Variants in TTC3 observed in about 807,000 individuals in gnomAD.
TTC3 encodes the protein E3 ubiquitin-protein ligase TTC3.
TTC3 carries 180 observed loss-of-function variants against 249.6 expected under a neutral mutation model. The ratio of observed to expected loss-of-function variants is 0.72; its 90% CI spans 0.64 to 0.82. The LOEUF (loss-of-function observed/expected upper bound fraction) is 0.82. Among genes scored for constraint, TTC3 ranks in the 40% least tolerant of loss-of-function variants. The pLI, the probability that TTC3 is intolerant of heterozygous loss-of-function variation, is 0.00. For synonymous variants in TTC3, 717 were observed against 805.0 expected (o/e 0.89, Z 1.85); for missense variants, 2,061 against 2,398.4 (o/e 0.86, Z 2.94).
chr21:37,095,340 G>A lies in TTC3; in HGVS notation c.688-10G>A, dbSNP rs1415440310. ...TCATTGATGGGTCTTCTTTCACCTT[G>A]GTTTCTCAGGAAGGAGAACTAATGA... On this transcript the variant is annotated splice_polypyrimidine_tract_variant and intron_variant, in intron 8 of 45. Coordinates refer to ENST00000355666, the Ensembl canonical transcript of TTC3. 1 of 1,581,948 alleles carries A rather than the reference G, an allele frequency of 6.3e-7. No individual in the cohort carries two copies. The highest frequency in any genetic ancestry group is 2.3e-5 in the East Asian group (1 of 44,254).
At chr21:37,187,140 G>A in exon 38 of TTC3, 1 of 1,577,244 alleles carries the variant, frequency 6.3e-7, no homozygotes, top group Non-Finnish European at 8.6e-7. Flanking sequence ...AGCTGTGGCT[G>A]CAGAGGTGAG....
exon 34 of TTC3, chr21:37,167,594 C>T: frequency 6.2e-7 from 1 of 1,609,560 alleles, no homozygotes; most frequent in Non-Finnish European, 8.5e-7. Context: ...CAATACTGAG[C>T]CATATAATCC....
At chr21:37,099,587 G>A (rs2074277712) in intron 10 of TTC3, among the ~76,000 whole-genome samples, 1 of 152,206 alleles carries the variant, frequency 6.6e-6, no homozygotes, top group South Asian at 2.1e-4. Context: ...AGGACATGTA[G>A]ATTAAAAACT....
At chr21:37,190,562 T>C (rs1185568502) in intron 39 of TTC3, among the ~76,000 whole-genome samples, 1 of 152,222 alleles carries the variant, frequency 6.6e-6, no homozygotes, top group African/African-American at 2.4e-5. Flanking sequence ...CCGCCTGTAC[T>C]AAGCACCCAC....
chr21:37,147,645 A>G lies in TTC3; in HGVS notation c.2016+42A>G, dbSNP rs763111685. The G allele has an allele frequency of 1.9e-6, 3 of 1,560,700 alleles. No homozygotes were observed. The South Asian group carries it at 3.7e-5, about 19-fold the overall frequency. Reference sequence around the variant, plus strand: ...CAGTGGGACATTAACTTGCAAAATCATTTCTTAAAATGGGCTCAAAACAAT... The same window carrying G: ...CAGTGGGACATTAACTTGCAAAATCGTTTCTTAAAATGGGCTCAAAACAAT... On this transcript the variant is annotated intron_variant, in intron 22 of 45. Transcript: ENST00000355666.
chr21:37,085,018 C>T (rs888989692), intron 1 of TTC3, among the ~76,000 whole-genome samples: 20 of 133,610 alleles, frequency 1.5e-4, no homozygotes, highest in African/African-American at 5.2e-4. Flanking sequence ...CAAACCAAAA[C>T]AAAATAGAAA....
At chr21:37,080,224 AG>A (rs1358344161) in intron 1 of TTC3, among the ~76,000 whole-genome samples, 2 of 152,074 alleles carry the variant, frequency 1.3e-5, no homozygotes, top group Non-Finnish European at 2.9e-5. Flanking sequence ...TTCAAATCTA[AG>A]TATTTTTACA....
intron 35 of TTC3, among the ~76,000 whole-genome samples, chr21:37,178,326 A>G (rs1405328198): frequency 6.6e-6 from 1 of 152,008 alleles, no homozygotes; most frequent in Non-Finnish European, 1.5e-5. Context: ...TTTCTTTTGG[A>G]TATATATGTA....
chr21:37,164,357 G>A, intron 32 of TTC3, 142 bp downstream of exon 32: 3 of 654,750 alleles, frequency 4.6e-6, no homozygotes, highest in Non-Finnish European at 6.9e-6. Flanking sequence ...TTTTTTTTTT[G>A]AGACAGAGTC....
chr21:37,145,389 C>A (rs184905614), intron 21 of TTC3, among the ~76,000 whole-genome samples: 1 of 152,356 alleles, frequency 6.6e-6, no homozygotes, highest in East Asian at 1.9e-4. Flanking sequence ...CATGAAAAGA[C>A]ATTCAGCATC....
intron 35 of TTC3, among the ~76,000 whole-genome samples, chr21:37,181,844 G>A (rs2082790428): frequency 6.6e-6 from 1 of 152,162 alleles, no homozygotes; most frequent in South Asian, 2.1e-4. Flanking sequence ...CTTTCTTACA[G>A]AGAAGACCTC....
Position 37,185,953 on chromosome 21 carries a change from G to T in TTC3, c.4826+179G>T, listed in dbSNP as rs1341496305. 4 of 256,504 alleles carry T rather than the reference G, an allele frequency of 1.6e-5. No homozygotes were observed. The East Asian group carries it at 3.1e-4, about 20-fold the overall frequency. 15.9% of individuals were successfully genotyped at this position (256,504 alleles called of 1,614,324 possible). A position where few individuals can be genotyped will look rare whatever the true frequency, so the allele number is the denominator to read the frequency against. Reference sequence around the variant, plus strand: ...AAATTAATTTATAAATATATTCTTTGAATATTTAAATATTTTTATTTTACA... The same window carrying T: ...AAATTAATTTATAAATATATTCTTTTAATATTTAAATATTTTTATTTTACA... On this transcript the variant is annotated intron_variant, in intron 37 of 45. Coordinates refer to ENST00000355666, the Ensembl canonical transcript of TTC3.
At chr21:37,087,735 T>C in intron 2 of TTC3, 98 bp from the exon 3 acceptor site, 1 of 934,162 alleles carries the variant, frequency 1.1e-6, no homozygotes, top group South Asian at 1.5e-5. Context: ...TATAAATAAA[T>C]GCCCACTGAA....
chr21:37,143,164 A>T (rs1420264863), intron 20 of TTC3, among the ~76,000 whole-genome samples: 3 of 152,232 alleles, frequency 2.0e-5, no homozygotes, highest in Non-Finnish European at 4.4e-5. Context: ...CCTAGGCATT[A>T]CCATTCAGGA....
At chr21:37,181,612 T>C (rs2082766819) in intron 35 of TTC3, among the ~76,000 whole-genome samples, 1 of 152,238 alleles carries the variant, frequency 6.6e-6, no homozygotes, top group Admixed American at 6.5e-5. Flanking sequence ...GTTCAATTTT[T>C]GCCACCTAAG....
At chr21:37,159,807 G>A (rs1395126013) in intron 29 of TTC3, 62 bp downstream of exon 29, 3 of 1,516,954 alleles carry the variant, frequency 2.0e-6, no homozygotes, top group Admixed American at 3.4e-5. Flanking sequence ...AGGATGAGAA[G>A]GGGACCCAGG....
chr21:37,126,271 G>T, intron 15 of TTC3, 128 bp downstream of exon 15: 1 of 607,692 alleles, frequency 1.6e-6, no homozygotes, highest in Non-Finnish European at 2.6e-6. Flanking sequence ...ATGCTTCTAT[G>T]TTAAGAAAAT....
intron 35 of TTC3, among the ~76,000 whole-genome samples, chr21:37,177,117 T>G (rs1468766023): frequency 6.6e-6 from 1 of 151,736 alleles, no homozygotes; most frequent in East Asian, 1.9e-4. Flanking sequence ...TGCCTACATA[T>G]CTGGGTTCAG....
At chr21:37,095,885 T>A (rs1262374992) in intron 9 of TTC3, among the ~76,000 whole-genome samples, 1 of 152,254 alleles carries the variant, frequency 6.6e-6, no homozygotes, top group African/African-American at 2.4e-5. Context: ...CTACCTTGTC[T>A]TCTCTTTGCT....
Sources: allele counts gnomAD v4.1 joint callset (sites outside exome capture counted in the v4.1 genomes callset), GRCh38; gene constraint gnomAD v4.1.1; transcripts MANE v1.5; gene names NCBI Gene and HGNC (gene_info 2026-07-23, HGNC 2026-07-21).